PTPRO: variants seen among roughly 807,000 people sequenced by gnomAD.
PTPRO encodes the protein receptor-type tyrosine-protein phosphatase O.
A neutral mutation model predicts 145.2 loss-of-function variants in PTPRO; 62 were observed. The ratio of observed to expected loss-of-function variants is 0.43; its 90% CI spans 0.35 to 0.53. PTPRO has a LOEUF of 0.53. Among genes scored for constraint, PTPRO ranks in the 20% least tolerant of loss-of-function variants. The pLI is 0.01. For missense variants in PTPRO, 1,345 were observed against 1,482.7 expected, an observed-to-expected ratio of 0.91 and a Z score of 1.53; for synonymous variants, 565 against 514.7, an observed-to-expected ratio of 1.10 and a Z score of -1.32.
chr12:15,358,407 A>G (rs1938067532), intron 1 of PTPRO, among the ~76,000 whole-genome samples: 2 of 152,114 alleles, frequency 1.3e-5, no homozygotes, highest in South Asian at 2.1e-4. Flanking sequence ...AAGATGATCT[A>G]TGCATTCCTG....
chr12:15,345,915 C>A (rs1267452882), intron 1 of PTPRO, among the ~76,000 whole-genome samples: 1 of 152,044 alleles, frequency 6.6e-6, no homozygotes, highest in East Asian at 1.9e-4. Flanking sequence ...TCAATATCTT[C>A]CCCCACTCCC....
chr12:15,489,924 A>G (rs1026741541), intron 2 of PTPRO, among the ~76,000 whole-genome samples: 5 of 152,234 alleles, frequency 3.3e-5, no homozygotes, highest in Non-Finnish European at 7.3e-5. Context: ...GGAATCGTAT[A>G]TGCAAATAAT....
At chr12:15,370,333 A>G (rs975519302) in intron 1 of PTPRO, among the ~76,000 whole-genome samples, 1 of 152,024 alleles carries the variant, frequency 6.6e-6, no homozygotes, top group South Asian at 2.1e-4. Flanking sequence ...AGCTGTTAAT[A>G]CCAATTTCAC....
chr12:15,578,723 T>G (rs141601382), intron 19 of PTPRO, 130 bp from the exon 20 acceptor site: 50 of 725,984 alleles, frequency 6.9e-5, no homozygotes, highest in Non-Finnish European at 1.1e-4. Flanking sequence ...TGGGGTGGAG[T>G]ACCTTCCACC....
At chr12:15,489,199 A>G (rs555631929) in intron 2 of PTPRO, among the ~76,000 whole-genome samples, 1 of 152,344 alleles carries the variant, frequency 6.6e-6, no homozygotes, top group Admixed American at 6.5e-5. Flanking sequence ...ACCATTACAA[A>G]TAATATGATA....
At chr12:15,425,006 T>G (rs1293913914) in intron 1 of PTPRO, among the ~76,000 whole-genome samples, 1 of 152,162 alleles carries the variant, frequency 6.6e-6, no homozygotes, top group African/African-American at 2.4e-5. Context: ...TTCCCGATGG[T>G]CAGAGACTAC....
At chr12:15,579,953 T>C (rs1944273619) in intron 20 of PTPRO, 86 bp from the exon 21 acceptor site, 2 of 1,023,446 alleles carry the variant, frequency 2.0e-6, no homozygotes, top group Non-Finnish European at 1.5e-6. Flanking sequence ...CACTGACTGA[T>C]TTAACTTAAT....
At chr12:15,402,598 A>G (rs1287857951) in intron 1 of PTPRO, among the ~76,000 whole-genome samples, 1 of 152,118 alleles carries the variant, frequency 6.6e-6, no homozygotes, top group Non-Finnish European at 1.5e-5. Context: ...AGAATTCTCT[A>G]TGTAAATTGT....
chr12:15,492,556 G>A (rs561033508), intron 2 of PTPRO, among the ~76,000 whole-genome samples: 36 of 151,448 alleles, frequency 2.4e-4, no homozygotes, highest in Admixed American at 4.6e-4. Context: ...AAAATTTGCA[G>A]AAATAAAATA....
Position 15,549,234 on chromosome 12 carries a change from T to C in PTPRO, c.2437+8T>C. On this transcript the variant is annotated splice_region_variant and intron_variant, in intron 14 of 26. Coordinates refer to ENST00000281171, the MANE Select transcript of PTPRO (RefSeq NM_030667.3). ...TAGCCGTCTCAACAATGGGTAATTA[T>C]ACACATTAGTGTATAATTTTCTCAC... The C allele has an allele frequency of 6.3e-7, 1 of 1,594,034 alleles. No individual in the cohort carries two copies. Among genetic ancestry groups the C allele is most frequent in the Non-Finnish European group, 8.5e-7 (1 of 1,172,178 alleles).
At chr12:15,481,516 C>T (rs937037312) in intron 1 of PTPRO, among the ~76,000 whole-genome samples, 1 of 152,152 alleles carries the variant, frequency 6.6e-6, no homozygotes, top group Non-Finnish European at 1.5e-5. Context: ...AAAGTTCATT[C>T]TCAATGCCTA....
At chr12:15,546,828 T>C (rs750857533) in intron 13 of PTPRO, 120 bp downstream of exon 13, 22 of 1,416,376 alleles carry the variant, frequency 1.6e-5, no homozygotes, top group Admixed American at 2.0e-5. Flanking sequence ...ATTTGCTCTT[T>C]TGTGTTTCAC....
rs557196676 is a variant in PTPRO, at chr12:15,535,435, AC to A, written c.2164+9174del. 2.7e-4 allele frequency among the ~76,000 whole-genome samples: 41 copies of A among 152,302 alleles called. No homozygotes were observed. The East Asian group carries it at 6.8e-3, about 25-fold the overall frequency. Reference sequence around the variant, plus strand: ...AGGAGGTCAGAGAAAACAAAACAAAACAAAACAAAAACAGAATTGCACACCA... The same window carrying A: ...AGGAGGTCAGAGAAAACAAAACAAAAAAAACAAAAACAGAATTGCACACCA... On this transcript the variant is annotated intron_variant, in intron 12 of 26. Transcript: ENST00000281171.
chr12:15,335,382 GA>G (rs1326739179), intron 1 of PTPRO, among the ~76,000 whole-genome samples: 1 of 151,568 alleles, frequency 6.6e-6, no homozygotes, highest in African/African-American at 2.4e-5. Flanking sequence ...AAGGATTATA[GA>G]AAAAAAAGGT....
At chr12:15,460,572 A>G (rs1941278917) in intron 1 of PTPRO, among the ~76,000 whole-genome samples, 1 of 152,210 alleles carries the variant, frequency 6.6e-6, no homozygotes, top group Non-Finnish European at 1.5e-5. Context: ...CCAGCAATTC[A>G]TCTAAATGCC....
intron 1 of PTPRO, among the ~76,000 whole-genome samples, chr12:15,355,808 T>A (rs867638784): frequency 3.9e-5 from 6 of 152,224 alleles, no homozygotes; most frequent in Non-Finnish European, 8.8e-5. Flanking sequence ...TCTATTATTG[T>A]GTAAAAGAAA....
At chr12:15,595,382 C>A in intron 26 of PTPRO, 1 of 324,450 alleles carries the variant, frequency 3.1e-6, no homozygotes, top group Non-Finnish European at 6.0e-6. Context: ...ATACTACCAT[C>A]CAAATCTATC....
intron 1 of PTPRO, among the ~76,000 whole-genome samples, chr12:15,452,905 T>G (rs373148594): frequency 3.9e-5 from 6 of 152,174 alleles, no homozygotes; most frequent in South Asian, 2.1e-4. Context: ...TGTTTCCATT[T>G]GGAAAAAAAT....
intron 1 of PTPRO, among the ~76,000 whole-genome samples, chr12:15,477,929 G>A (rs253838): frequency 6.6e-6 from 1 of 152,122 alleles, no homozygotes; most frequent in Non-Finnish European, 1.5e-5. Flanking sequence ...ATCAACAAAT[G>A]TTCCTCACCT....
Sources: allele counts gnomAD v4.1 joint callset (sites outside exome capture counted in the v4.1 genomes callset), GRCh38; gene constraint gnomAD v4.1.1; transcripts MANE v1.5; gene names NCBI Gene and HGNC (gene_info 2026-07-23, HGNC 2026-07-21).